Variants in ANKRD31 observed in about 807,000 individuals in gnomAD.
ANKRD31 encodes the protein ankyrin repeat domain-containing protein 31.
ANKRD31 carries 147 observed loss-of-function variants against 186.0 expected under a neutral mutation model. The observed-to-expected ratio is 0.79, with a 90% CI of 0.69 to 0.91. ANKRD31 has a LOEUF of 0.91. Ranked by LOEUF, ANKRD31 falls within the 40% of genes least tolerant of loss-of-function variation. The pLI is 0.00. For synonymous variants in ANKRD31, 673 were observed against 736.4 expected, an observed-to-expected ratio of 0.91 and a Z score of 1.39; for missense variants, 1,986 against 2,148.8, an observed-to-expected ratio of 0.92 and a Z score of 1.50.
Position 75,195,730 on chromosome 5 carries a change from G to A in ANKRD31, c.918C>T (p.His306=), listed in dbSNP as rs73763022. 328 of 1,537,502 alleles carry A rather than the reference G, an allele frequency of 2.1e-4. 1 individual carries two copies. In the African/African-American group the frequency reaches 4.0e-3, roughly 19 times the overall value. ...LSEAKVETIC[H]RKEGGSSLIA... ...TGAGACTGCTACCTCCCTCTTTTCT[G>A]TGACAGATGGTTTCCACCTTGGCTT... is the stretch of plus-strand genomic sequence containing the variant. Residue 306 remains histidine (H), a synonymous_variant, in exon 7 of 26, where the codon CAC becomes CAT. Coordinates refer to ENST00000506364, the MANE Select transcript of ANKRD31 (RefSeq NM_001372053.1).
intron 11 of ANKRD31, among the ~76,000 whole-genome samples, chr5:75,154,580 AAG>A (rs960981363): frequency 2.6e-5 from 4 of 152,086 alleles, no homozygotes; most frequent in African/African-American, 9.7e-5. Flanking sequence ...GAAAGGGAGA[AAG>A]AGAAAAAGAA....
intron 15 of ANKRD31, among the ~76,000 whole-genome samples, chr5:75,140,570 T>A (rs1422212089): frequency 6.6e-6 from 1 of 152,224 alleles, no homozygotes; most frequent in Non-Finnish European, 1.5e-5. Flanking sequence ...TCTTCTTCTC[T>A]TGAATAGCTT....
In ANKRD31 at chr5:75,116,674, A is replaced by T. The variant is rs1490235767; in HGVS notation, c.4047T>A (p.Ile1349=). 1.4e-6 allele frequency: 2 copies of T among 1,401,280 alleles called. No homozygotes were observed. The highest frequency in any genetic ancestry group is 1.9e-6 in the Non-Finnish European group (2 of 1,072,410). The allele number at this position is 1,401,280 out of a possible 1,614,324, so 86.8% of individuals were successfully genotyped here. ...DESDAIVNEK[I]PAVRSKRHKQ... ...TATGTCTTTTAGACCGGACAGCAGG[A>T]ATTTTTTCTTTAAAAAGTAAAATTA... The change falls in exon 19 of 26, where the codon ATT becomes ATA. Residue 1349 remains isoleucine (I), a synonymous_variant. Transcript: ENST00000506364.
chr5:75,137,127 C>T (rs1750650810), intron 17 of ANKRD31, among the ~76,000 whole-genome samples: 2 of 151,736 alleles, frequency 1.3e-5, no homozygotes, highest in African/African-American at 4.8e-5. Context: ...CAAACATGCA[C>T]GTTGTGCACA....
chr5:75,096,711 C>T (rs978846610), intron 22 of ANKRD31, among the ~76,000 whole-genome samples: 3 of 151,976 alleles, frequency 2.0e-5, no homozygotes, highest in Admixed American at 1.3e-4. Flanking sequence ...CTGTGCACAA[C>T]GTGCAGTTTC....
chr5:75,208,323 C>T (rs889088483), intron 4 of ANKRD31, among the ~76,000 whole-genome samples: 8 of 151,930 alleles, frequency 5.3e-5, no homozygotes, highest in African/African-American at 1.9e-4. Context: ...CCCCAAAATA[C>T]GACGCTATGG....
chr5:75,076,671 C>A (rs1744675314), intron 25 of ANKRD31, among the ~76,000 whole-genome samples: 1 of 152,178 alleles, frequency 6.6e-6, no homozygotes, highest in Non-Finnish European at 1.5e-5. Context: ...AAGTGTGGAG[C>A]TGAAAGTTCC....
intron 17 of ANKRD31, among the ~76,000 whole-genome samples, chr5:75,129,363 C>T (rs1189412262): frequency 2.0e-5 from 3 of 152,176 alleles, no homozygotes; most frequent in Non-Finnish European, 4.4e-5. Flanking sequence ...CAAACTAATA[C>T]AGCTTCTTTT....
intron 16 of ANKRD31, 133 bp from the exon 17 acceptor site, chr5:75,138,131 C>T: frequency 1.3e-6 from 1 of 772,480 alleles, no homozygotes; most frequent in Non-Finnish European, 1.8e-6. Context: ...AAGTATTGAA[C>T]AAGAAATAAT....
In ANKRD31 at chr5:75,236,776, T is replaced by C; in HGVS notation, c.-90A>G. 9.9e-7 allele frequency: 1 copy of C among 1,006,686 alleles called. No homozygotes were observed. Among genetic ancestry groups the C allele is most frequent in the Non-Finnish European group, 1.4e-6 (1 of 701,496 alleles). 62.4% of individuals were successfully genotyped at this position (1,006,686 alleles called of 1,614,324 possible). On this transcript the variant is annotated 5_prime_UTR_variant, in exon 1 of 26. Coordinates refer to ENST00000506364, the MANE Select transcript of ANKRD31 (RefSeq NM_001372053.1). Reference sequence around the variant, plus strand: ...ACGCTTTGAGGGCCAGGGGAAATTGTGAATTAAAAATAAAAATAATATAAT... The same window carrying C: ...ACGCTTTGAGGGCCAGGGGAAATTGCGAATTAAAAATAAAAATAATATAAT...
At position 75,122,469 on chromosome 5, in the gene ANKRD31, C is replaced by T. The variant is rs1403474276; in HGVS notation, c.3877-4172G>A. 3.3e-5 allele frequency among the ~76,000 whole-genome samples: 5 copies of T among 151,336 alleles called. No homozygotes were observed. The East Asian group carries it at 9.7e-4, about 29-fold the overall frequency. On this transcript the variant is annotated intron_variant, in intron 17 of 25. Transcript: ENST00000506364. ...CTGACACCAAAGTCTGACAAGAACA[C>T]AAACAAACAGAAAAAAAACTACAGA...
intron 17 of ANKRD31, among the ~76,000 whole-genome samples, chr5:75,120,818 T>G (rs946227028): frequency 6.6e-6 from 1 of 152,142 alleles, no homozygotes; most frequent in Non-Finnish European, 1.5e-5. Context: ...AAGATATAGA[T>G]AGGCAGAATG....
At chr5:75,083,167 C>G (rs1745214938) in intron 24 of ANKRD31, among the ~76,000 whole-genome samples, 1 of 152,140 alleles carries the variant, frequency 6.6e-6, no homozygotes, top group African/African-American at 2.4e-5. Flanking sequence ...TTGATCCAAT[C>G]TTTTTAATAA....
At chr5:75,107,468 T>G in intron 21 of ANKRD31, 53 bp downstream of exon 21, 1 of 1,254,558 alleles carries the variant, frequency 8.0e-7, no homozygotes, top group South Asian at 1.4e-5. Flanking sequence ...CAGCTAAAAA[T>G]GGATAAATTC....
intron 4 of ANKRD31, among the ~76,000 whole-genome samples, chr5:75,210,572 T>C (rs539357603): frequency 6.9e-4 from 105 of 152,326 alleles, no homozygotes; most frequent in African/African-American, 2.4e-3. Flanking sequence ...AGCCCCTTCA[T>C]AAATTTGCAC....
At chr5:75,097,246 C>A (rs975615248) in intron 22 of ANKRD31, among the ~76,000 whole-genome samples, 1 of 152,214 alleles carries the variant, frequency 6.6e-6, no homozygotes, top group East Asian at 1.9e-4. Flanking sequence ...CTGTCTTCCA[C>A]GATGGTTGAA....
At chr5:75,199,067 G>A (rs1485206273) in intron 6 of ANKRD31, among the ~76,000 whole-genome samples, 1 of 152,164 alleles carries the variant, frequency 6.6e-6, no homozygotes, top group Non-Finnish European at 1.5e-5. Context: ...AATCAGCTGG[G>A]TGTGGCAGTA....
In ANKRD31 at chr5:75,100,671, T is replaced by G. The variant is rs1580325370; in HGVS notation, c.5331+3557A>C. Among the ~76,000 whole-genome samples the G allele has an allele frequency of 4.6e-5, 7 of 152,270 alleles. No homozygotes were observed. The South Asian group carries it at 8.3e-4, about 18-fold the overall frequency. On this transcript the variant is annotated intron_variant, in intron 22 of 25. Coordinates refer to ENST00000506364, the MANE Select transcript of ANKRD31 (RefSeq NM_001372053.1). ...CTTGTTGAATTGATCCCTTTACCAT[T>G]ACGTAATGGCCTTCTTTGTCTCTTT...
At chr5:75,203,662 C>CAAAAAAAAAA (rs112986947) in intron 5 of ANKRD31, among the ~76,000 whole-genome samples, 1 of 99,104 alleles carries the variant, frequency 1.0e-5, no homozygotes. Flanking sequence ...GGATCCATCT[C>CAAAAAAAAAA]AAAAAAAAAA....
Sources: gnomAD v4.1 joint callset for allele counts (sites outside exome capture counted in the v4.1 genomes callset) on GRCh38, gnomAD v4.1.1 for gene constraint, MANE v1.5 for transcripts, NCBI Gene and HGNC (gene_info 2026-07-23, HGNC 2026-07-21) for gene names.